GRID2: variants seen among roughly 807,000 people sequenced by gnomAD.
GRID2 encodes the protein glutamate ionotropic receptor delta type subunit 2.
Under a neutral mutation model 114.8 loss-of-function variants are expected in GRID2, and 33 were observed. The ratio of observed to expected loss-of-function variants is 0.29; its 90% confidence interval spans 0.22 to 0.38. GRID2 has a LOEUF of 0.38. Ranked by LOEUF, GRID2 falls within the 10% of genes least tolerant of loss-of-function variation. GRID2 has a pLI of 1.00. For synonymous variants in GRID2, 505 were observed against 449.9 expected (o/e 1.12, Z -1.55); for missense variants, 1,184 against 1,257.7 (o/e 0.94, Z 0.89).
At chr4:93,714,721 T>TG (rs1728764982) in intron 14 of GRID2, among the ~76,000 whole-genome samples, 1 of 152,190 alleles carries the variant, frequency 6.6e-6, no homozygotes, top group Admixed American at 6.5e-5. Context: ...TGGCCACATG[T>TG]ATGTCTTCTT....
chr4:92,590,222 T>C lies in GRID2; in HGVS notation c.180T>C (p.Thr60=). 3 of 1,612,706 alleles carry C rather than the reference T, an allele frequency of 1.9e-6. No individual in the cohort carries two copies. Among genetic ancestry groups the C allele is most frequent in the Non-Finnish European group, 2.5e-6 (3 of 1,178,762 alleles). Residue 60 remains threonine, a synonymous_variant, in exon 2 of 16, where the codon ACT becomes ACC. Coordinates refer to ENST00000282020, the MANE Select transcript of GRID2 (RefSeq NM_001510.4). ...ACCAGAATGAGGAGATCTTACAGACTGAGAAAATCACATTTTCAGTGACGT... is the reference window on the plus strand; with the variant it reads ...ACCAGAATGAGGAGATCTTACAGACCGAGAAAATCACATTTTCAGTGACGT... ...DLNQNEEILQ[T]EKITFSVTFV...
chr4:93,481,925 T>C (rs1275665437), intron 11 of GRID2, among the ~76,000 whole-genome samples: 1 of 151,954 alleles, frequency 6.6e-6, no homozygotes, highest in Non-Finnish European at 1.5e-5. Context: ...GCATAGGAGA[T>C]TGGAATGCTT....
chr4:92,690,359 G>A (rs1380550026), intron 2 of GRID2, among the ~76,000 whole-genome samples: 1 of 152,202 alleles, frequency 6.6e-6, no homozygotes, highest in Non-Finnish European at 1.5e-5. Flanking sequence ...AAGTGGAGCT[G>A]TCAGGACACA....
chr4:93,623,419 A>G (rs1194810247), intron 13 of GRID2, among the ~76,000 whole-genome samples: 1 of 152,246 alleles, frequency 6.6e-6, no homozygotes, highest in East Asian at 1.9e-4. Context: ...TTTGCTGAGA[A>G]TGATGGTTTC....
intron 2 of GRID2, among the ~76,000 whole-genome samples, chr4:92,900,833 C>CAAAAAA (rs34089162): frequency 3.2e-4 from 23 of 72,300 alleles, no homozygotes; most frequent in East Asian, 9.0e-4. Flanking sequence ...GACTTCGTCT[C>CAAAAAA]AAAAAAAAAA....
At chr4:92,688,624 C>G (rs1734037369) in intron 2 of GRID2, among the ~76,000 whole-genome samples, 1 of 152,110 alleles carries the variant, frequency 6.6e-6, no homozygotes, top group Admixed American at 6.6e-5. Context: ...TCAGTCACAT[C>G]TTTAGGGTTC....
At chr4:93,367,673 G>A (rs138727184) in intron 8 of GRID2, among the ~76,000 whole-genome samples, 60 of 152,240 alleles carry the variant, frequency 3.9e-4, no homozygotes, top group African/African-American at 1.4e-3. Flanking sequence ...TTGACTTCTA[G>A]CAAAGTACTG....
At chr4:92,604,823 T>C (rs1160433676) in intron 2 of GRID2, among the ~76,000 whole-genome samples, 1 of 152,090 alleles carries the variant, frequency 6.6e-6, no homozygotes, top group Non-Finnish European at 1.5e-5. Flanking sequence ...CACCAGTTGA[T>C]ATAGTTAGGC....
intron 2 of GRID2, among the ~76,000 whole-genome samples, chr4:92,675,434 T>G (rs1238119194): frequency 6.6e-6 from 1 of 152,118 alleles, no homozygotes; most frequent in African/African-American, 2.4e-5. Context: ...CCCTCCTCTC[T>G]AATACTCTGT....
At chr4:93,603,878 A>G (rs1739941429) in intron 13 of GRID2, among the ~76,000 whole-genome samples, 1 of 152,090 alleles carries the variant, frequency 6.6e-6, no homozygotes, top group African/African-American at 2.4e-5. Flanking sequence ...CACTGTTGAG[A>G]TCTACTGCTC....
At chr4:92,531,490 A>C (rs989102918) in intron 1 of GRID2, among the ~76,000 whole-genome samples, 1 of 152,160 alleles carries the variant, frequency 6.6e-6, no homozygotes, top group African/African-American at 2.4e-5. Context: ...AGGTACCAAA[A>C]AGGATCAGAG....
At chr4:92,340,334 C>T (rs1310979744) in intron 1 of GRID2, among the ~76,000 whole-genome samples, 1 of 152,106 alleles carries the variant, frequency 6.6e-6, no homozygotes, top group African/African-American at 2.4e-5. Flanking sequence ...CACATTTTCC[C>T]GCATGAGTGT....
At chr4:93,054,818 GA>G (rs946221938) in intron 2 of GRID2, among the ~76,000 whole-genome samples, 2 of 150,732 alleles carry the variant, frequency 1.3e-5, no homozygotes, top group Non-Finnish European at 3.0e-5. Context: ...CAAGTTGATT[GA>G]AAAAAAATCA....
At chr4:93,677,367 A>C (rs1001371702) in intron 14 of GRID2, among the ~76,000 whole-genome samples, 1 of 152,116 alleles carries the variant, frequency 6.6e-6, no homozygotes, top group Admixed American at 6.5e-5. Context: ...CACAAACAAA[A>C]AGACAGCAGT....
At chr4:93,404,581 A>G (rs1439133446) in intron 9 of GRID2, among the ~76,000 whole-genome samples, 1 of 152,156 alleles carries the variant, frequency 6.6e-6, no homozygotes, top group Non-Finnish European at 1.5e-5. Flanking sequence ...AAAAATTCAA[A>G]TAACTAGTAC....
At chr4:92,741,744 C>T (rs938668744) in intron 2 of GRID2, among the ~76,000 whole-genome samples, 2 of 152,070 alleles carry the variant, frequency 1.3e-5, no homozygotes, top group Non-Finnish European at 2.9e-5. Context: ...CTTTTTTCCC[C>T]TCAGAATAGA....
intron 8 of GRID2, among the ~76,000 whole-genome samples, chr4:93,250,575 A>C (rs1311932507): frequency 6.7e-6 from 1 of 150,330 alleles, no homozygotes; most frequent in East Asian, 1.9e-4. Flanking sequence ...GGTATATTAC[A>C]AAAAAACAAG....
chr4:93,420,776 G>C (rs986938444), intron 9 of GRID2, among the ~76,000 whole-genome samples: 31 of 144,170 alleles, frequency 2.2e-4, no homozygotes, highest in African/African-American at 7.3e-4. Flanking sequence ...ATGTTTTTGA[G>C]ACAGTCTCAC....
intron 8 of GRID2, among the ~76,000 whole-genome samples, chr4:93,272,960 T>A (rs1367316695): frequency 6.6e-6 from 1 of 152,210 alleles, no homozygotes; most frequent in Non-Finnish European, 1.5e-5. Context: ...GGAAATGAAA[T>A]CTTGCAGGTC....
Sources: gnomAD v4.1 joint callset for allele counts (sites outside exome capture counted in the v4.1 genomes callset) on GRCh38, gnomAD v4.1.1 for gene constraint, MANE v1.5 for transcripts, NCBI Gene and HGNC (gene_info 2026-07-23, HGNC 2026-07-21) for gene names.